The following DTWD2 variants were observed in gnomAD, a reference collection of about 807,000 sequenced individuals.
DTWD2 encodes the protein tRNA-uridine aminocarboxypropyltransferase 2.
DTWD2 carries 39 observed loss-of-function variants against 31.8 expected under a neutral mutation model. That is an observed-to-expected ratio of 1.22 (90% CI 0.95 to 1.60). DTWD2 has a LOEUF of 1.60. Ranked by LOEUF, DTWD2 falls within the 40% of genes most tolerant of loss-of-function variation. The pLI is 0.00. For synonymous variants in DTWD2, 180 were observed against 142.8 expected (o/e 1.26, Z -1.86); for missense variants, 515 against 381.5 (o/e 1.35, Z -2.92).
At chr5:118,973,809 C>A in intron 1 of DTWD2, 2 of 1,612,144 alleles carry the variant, frequency 1.2e-6, no homozygotes, top group South Asian at 1.1e-5. Context: ...TCAGACGCAG[C>A]CGTAGACACC....
intron 1 of DTWD2, among the ~76,000 whole-genome samples, chr5:118,981,611 A>C (rs750081331): frequency 6.6e-6 from 1 of 152,114 alleles, no homozygotes; most frequent in Non-Finnish European, 1.5e-5. Context: ...CCCAGGCAAG[A>C]GCACAGTGGC....
chr5:118,938,109 C>A (rs1240158430), intron 3 of DTWD2, among the ~76,000 whole-genome samples: 2 of 152,004 alleles, frequency 1.3e-5, no homozygotes, highest in African/African-American at 4.8e-5. Flanking sequence ...CAGCCGATAT[C>A]ATAGTTAATA....
At chr5:118,965,285 C>A (rs1293890917) in intron 1 of DTWD2, among the ~76,000 whole-genome samples, 1 of 150,968 alleles carries the variant, frequency 6.6e-6, no homozygotes, top group Non-Finnish European at 1.5e-5. Flanking sequence ...CCCCGCCCGG[C>A]CAGCCTCCCC....
intron 4 of DTWD2, among the ~76,000 whole-genome samples, chr5:118,910,311 G>C (rs532112700): frequency 6.6e-6 from 1 of 152,268 alleles, no homozygotes; most frequent in South Asian, 2.1e-4. Flanking sequence ...TCACTGCTCA[G>C]TAGTACTGCC....
At chr5:118,874,874 T>TA (rs1305275391) in intron 4 of DTWD2, among the ~76,000 whole-genome samples, 7 of 151,904 alleles carry the variant, frequency 4.6e-5, no homozygotes, top group Non-Finnish European at 7.4e-5. Flanking sequence ...CCCAGTAAGA[T>TA]ACTCCATAAG....
In DTWD2 at chr5:118,848,260, T is replaced by C. The variant is rs532446003; in HGVS notation, c.598-42A>G. 2.5e-4 allele frequency: 378 copies of C among 1,519,556 alleles called. 1 individual carries two copies. The highest frequency in any genetic ancestry group is 2.5e-5 in the Non-Finnish European group (28 of 1,135,042). The allele number at this position is 1,519,556 out of a possible 1,614,324, so 94.1% of individuals were successfully genotyped here. A position where few individuals can be genotyped will look rare whatever the true frequency, so the allele number is the denominator to read the frequency against. On this transcript the variant is annotated intron_variant, in intron 4 of 5. Coordinates refer to ENST00000510708, the MANE Select transcript of DTWD2 (RefSeq NM_173666.4). ...AATAGAACATAATTTTTGTTTTAAA[T>C]TTAAAATTATAAAGTTTGTGTTTTA...
intron 4 of DTWD2, among the ~76,000 whole-genome samples, chr5:118,921,337 C>T (rs952420417): frequency 1.3e-5 from 2 of 151,826 alleles, no homozygotes; most frequent in Admixed American, 6.6e-5. Context: ...CATGGCGAGA[C>T]CCCTTCTCTT....
intron 1 of DTWD2, among the ~76,000 whole-genome samples, chr5:118,972,868 A>G (rs564414692): frequency 2.4e-4 from 36 of 152,320 alleles, no homozygotes; most frequent in African/African-American, 8.2e-4. Flanking sequence ...AACTAAAGAC[A>G]AAAACCACAT....
At chr5:118,849,650 G>C (rs925417481) in intron 4 of DTWD2, among the ~76,000 whole-genome samples, 15 of 152,266 alleles carry the variant, frequency 9.9e-5, no homozygotes, top group Non-Finnish European at 1.8e-4. Flanking sequence ...TGACAGACTG[G>C]ATAAAGAAAA....
chr5:118,848,739 G>C (rs994610841), intron 4 of DTWD2, among the ~76,000 whole-genome samples: 1 of 152,152 alleles, frequency 6.6e-6, no homozygotes, highest in Non-Finnish European at 1.5e-5. Flanking sequence ...ACAACCATCT[G>C]ATCTTTGACA....
chr5:118,897,002 T>C (rs143038591), intron 4 of DTWD2, among the ~76,000 whole-genome samples: 3 of 152,336 alleles, frequency 2.0e-5, no homozygotes, highest in East Asian at 3.9e-4. Flanking sequence ...ATTCATAAGA[T>C]ACAATTAAAT....
At chr5:118,890,707 A>T (rs1280300827) in intron 4 of DTWD2, among the ~76,000 whole-genome samples, 1 of 151,450 alleles carries the variant, frequency 6.6e-6, no homozygotes, top group Non-Finnish European at 1.5e-5. Flanking sequence ...AGTAGCTGGG[A>T]CTACAGGCGC....
At chr5:118,922,400 T>C (rs564486414) in intron 4 of DTWD2, among the ~76,000 whole-genome samples, 13 of 152,324 alleles carry the variant, frequency 8.5e-5, no homozygotes, top group African/African-American at 3.1e-4. Flanking sequence ...GCAAAATTTT[T>C]ACACTATTAA....
At chr5:118,985,490 T>TTATTTATA (rs1554072596) in intron 1 of DTWD2, among the ~76,000 whole-genome samples, 64 of 95,426 alleles carry the variant, frequency 6.7e-4, no homozygotes, top group African/African-American at 2.2e-3. Context: ...ATGTGCATTT[T>TTATTTATA]TATATATATA....
chr5:118,895,406 G>A (rs1019151421), intron 4 of DTWD2, among the ~76,000 whole-genome samples: 6 of 152,136 alleles, frequency 3.9e-5, no homozygotes, highest in Non-Finnish European at 5.9e-5. Context: ...TGGATTGGAA[G>A]AATTAATATT....
rs1166345680 is a variant in DTWD2 at position 118,855,247 on chromosome 5, T to G, written c.598-7029A>C. 1.3e-4 allele frequency among the ~76,000 whole-genome samples: 18 copies of G among 142,018 alleles called. No individual in the cohort carries two copies. The South Asian group carries it at 2.9e-3, about 23-fold the overall frequency. 93.2% of individuals were successfully genotyped at this position (142,018 alleles called of 152,430 possible). A position where few individuals can be genotyped will look rare whatever the true frequency, so the allele number is the denominator to read the frequency against. ...AATTACAAGAAGTTGCGGTAAAACT[T>G]TTTACCGCAACTTCTTGTAATTACA... On this transcript the variant is annotated intron_variant, in intron 4 of 5. Coordinates refer to ENST00000510708, the MANE Select transcript of DTWD2 (RefSeq NM_173666.4).
intron 5 of DTWD2, among the ~76,000 whole-genome samples, chr5:118,843,202 G>A (rs1317957071): frequency 6.6e-6 from 1 of 151,726 alleles, no homozygotes; most frequent in Non-Finnish European, 1.5e-5. Flanking sequence ...TGATCCACCT[G>A]CCTCGGCCTC....
chr5:118,900,393 G>C (rs1268660276), intron 4 of DTWD2, among the ~76,000 whole-genome samples: 1 of 152,088 alleles, frequency 6.6e-6, no homozygotes, highest in African/African-American at 2.4e-5. Context: ...TAAATCAGTA[G>C]ATGTAAACAC....
At chr5:118,886,305 A>C (rs1752866633) in intron 4 of DTWD2, among the ~76,000 whole-genome samples, 1 of 152,248 alleles carries the variant, frequency 6.6e-6, no homozygotes, top group African/African-American at 2.4e-5. Flanking sequence ...TCAAGAGAAA[A>C]TTCCTTCCTC....
Sources: gnomAD v4.1 joint callset for allele counts (sites outside exome capture counted in the v4.1 genomes callset) on GRCh38, gnomAD v4.1.1 for gene constraint, MANE v1.5 for transcripts, NCBI Gene and HGNC (gene_info 2026-07-23, HGNC 2026-07-21) for gene names.